The following SEMA6D variants were observed in gnomAD, a reference collection of about 807,000 sequenced individuals.
SEMA6D encodes semaphorin 6D.
A neutral mutation model predicts 106.6 loss-of-function variants in SEMA6D; 35 were observed. The observed-to-expected ratio is 0.33, with a 90% CI of 0.25 to 0.44. SEMA6D has a LOEUF of 0.44. Among genes scored for constraint, SEMA6D ranks in the 20% least tolerant of loss-of-function variants. SEMA6D has a pLI of 1.00. For missense variants in SEMA6D, 1,185 were observed against 1,345.9 expected (o/e 0.88, Z 1.87); for synonymous variants, 499 against 487.7 (o/e 1.02, Z -0.31).
At chr15:47,295,080 G>A (rs1328518021) in intron 1 of SEMA6D, among the ~76,000 whole-genome samples, 3 of 152,164 alleles carry the variant, frequency 2.0e-5, no homozygotes, top group Admixed American at 6.5e-5. Context: ...GCAAGAGGGG[G>A]CATCAGGTTT....
chr15:47,741,612 G>A (rs1358581957), intron 1 of SEMA6D, among the ~76,000 whole-genome samples: 1 of 152,164 alleles, frequency 6.6e-6, no homozygotes, highest in South Asian at 2.1e-4. Context: ...GCTACTCAAG[G>A]CTGAGGCAGG....
intron 1 of SEMA6D, among the ~76,000 whole-genome samples, chr15:47,742,879 C>T (rs1474477702): frequency 6.6e-6 from 1 of 152,186 alleles, no homozygotes; most frequent in African/African-American, 2.4e-5. Flanking sequence ...TGTCAAAGAG[C>T]TGCAGGTCTC....
intron 4 of SEMA6D, among the ~76,000 whole-genome samples, chr15:47,615,199 A>G (rs1400250301): frequency 1.3e-5 from 2 of 152,272 alleles, no homozygotes; most frequent in African/African-American, 4.8e-5. Flanking sequence ...ACAATAATAA[A>G]AAATGCAAAT....
At chr15:47,204,399 G>T (rs1299789489) in intron 1 of SEMA6D, among the ~76,000 whole-genome samples, 1 of 152,080 alleles carries the variant, frequency 6.6e-6, no homozygotes, top group African/African-American at 2.4e-5. Flanking sequence ...AAAATCTGTG[G>T]CCAGAGGTTA....
intron 1 of SEMA6D, among the ~76,000 whole-genome samples, chr15:47,719,559 G>A (rs1238270827): frequency 6.6e-6 from 1 of 152,266 alleles, no homozygotes; most frequent in East Asian, 1.9e-4. Context: ...CCATTAAGTG[G>A]ATTATTTTGT....
rs56185341 is a variant in SEMA6D at position 47,304,433 on chromosome 15, T to TAAAAAAAAAAAAA, written c.-238-107936_-238-107924dup. Among the ~76,000 whole-genome samples the TAAAAAAAAAAAAA allele has an allele frequency of 1.6e-4, 15 of 93,836 alleles. 1 individual carries two copies. Among genetic ancestry groups the TAAAAAAAAAAAAA allele is most frequent in the African/African-American group, 6.7e-4 (11 of 16,336 alleles). The allele number at this position is 93,836 out of a possible 152,430, so 61.6% of individuals were successfully genotyped here. A position where few individuals can be genotyped will look rare whatever the true frequency, so the allele number is the denominator to read the frequency against. ...TGCACTCCAGCCTGAGCCTTCTAAC[T>TAAAAAAAAAAAAA]AAAAAAAAAAAAAAAAAAAAAAAAA... On this transcript the variant is annotated intron_variant, in intron 1 of 19. Coordinates refer to the SEMA6D transcript ENST00000558014.
intron 1 of SEMA6D, among the ~76,000 whole-genome samples, chr15:47,331,657 G>A (rs1295563933): frequency 6.6e-6 from 1 of 152,128 alleles, no homozygotes; most frequent in African/African-American, 2.4e-5. Flanking sequence ...TCTTTGGATG[G>A]TGTAATTACA....
chr15:47,701,078 G>C lies in SEMA6D; in HGVS notation c.-54-58667G>C, dbSNP rs139241230. Reference sequence around the variant, plus strand: ...AGCACCAAAGGCACAGTCTATGAAAGAAGGAAGTGGTAAGCTGGAATTCAT... The same window carrying C: ...AGCACCAAAGGCACAGTCTATGAAACAAGGAAGTGGTAAGCTGGAATTCAT... On this transcript the variant is annotated intron_variant, in intron 4 of 19. Coordinates refer to the SEMA6D transcript ENST00000558014. Among the ~76,000 whole-genome samples the C allele has an allele frequency of 2.6e-3, 396 of 152,310 alleles. 4 individuals are homozygous for C. Among genetic ancestry groups the C allele is most frequent in the African/African-American group, 9.3e-3 (386 of 41,578 alleles).
intron 4 of SEMA6D, among the ~76,000 whole-genome samples, chr15:47,625,660 A>C (rs1425580819): frequency 6.6e-6 from 1 of 151,960 alleles, no homozygotes; most frequent in Non-Finnish European, 1.5e-5. Flanking sequence ...GCTATACCCC[A>C]GCCTGGGTGA....
chr15:47,722,464 T>A (rs2079478906), intron 1 of SEMA6D, among the ~76,000 whole-genome samples: 1 of 152,218 alleles, frequency 6.6e-6, no homozygotes, highest in Non-Finnish European at 1.5e-5. Flanking sequence ...TCGCTTTTTT[T>A]TTGTTTTGTT....
chr15:47,380,507 C>CCACATCAATGCAATTT (rs1162431020), intron 1 of SEMA6D: 1 of 152,194 alleles, frequency 6.6e-6, no homozygotes, highest in Non-Finnish European at 1.5e-5. Context: ...TCAGAAGAAT[C>CCACATCAATGCAATTT]CACATCAATG....
intron 1 of SEMA6D, among the ~76,000 whole-genome samples, chr15:47,215,549 TATTA>T (rs1013857685): frequency 3.1e-4 from 47 of 152,300 alleles, no homozygotes; most frequent in African/African-American, 9.1e-4. Flanking sequence ...TTCATAGATG[TATTA>T]ATTCTGTTAA....
chr15:47,486,965 C>A (rs1381741945), intron 3 of SEMA6D, among the ~76,000 whole-genome samples: 1 of 152,170 alleles, frequency 6.6e-6, no homozygotes, highest in African/African-American at 2.4e-5. Context: ...ATTTCTTGGG[C>A]AACTACTGTG....
chr15:47,599,758 A>G (rs1343869927), intron 3 of SEMA6D, among the ~76,000 whole-genome samples: 1 of 152,100 alleles, frequency 6.6e-6, no homozygotes, highest in Non-Finnish European at 1.5e-5. Context: ...ACTAATGCAT[A>G]CAAAGCTCTG....
chr15:47,489,394 A>G (rs894703983), intron 3 of SEMA6D, among the ~76,000 whole-genome samples: 15 of 152,062 alleles, frequency 9.9e-5, no homozygotes, highest in African/African-American at 2.9e-4. Flanking sequence ...ACTAATAGAC[A>G]TTTTTTCCTT....
chr15:47,465,373 G>C lies in SEMA6D; in HGVS notation c.-158-5101G>C, dbSNP rs112099792. ...AGAAGAAGTGGGCAAATAGTTGTCC[G>C]CATCCCAGTTAAAATTCTTATTGCC... On this transcript the variant is annotated intron_variant, in intron 2 of 19. Coordinates refer to the SEMA6D transcript ENST00000558014. Among the ~76,000 whole-genome samples, 1,108 of 152,236 alleles carry C rather than the reference G, an allele frequency of 7.3e-3. 20 individuals are homozygous for C. The highest frequency in any genetic ancestry group is 0.025 in the African/African-American group (1,047 of 41,538).
At chr15:47,304,339 A>G (rs2036142058) in intron 1 of SEMA6D, among the ~76,000 whole-genome samples, 3 of 149,490 alleles carry the variant, frequency 2.0e-5, no homozygotes, top group Non-Finnish European at 4.4e-5. Flanking sequence ...CAAGCTACTC[A>G]GGAGTCTGAG....
chr15:47,646,646 T>A (rs1471458480), intron 4 of SEMA6D, among the ~76,000 whole-genome samples: 4 of 152,180 alleles, frequency 2.6e-5, no homozygotes, highest in Non-Finnish European at 5.9e-5. Flanking sequence ...GGAGCCATAT[T>A]CATACTTGAG....
intron 1 of SEMA6D, among the ~76,000 whole-genome samples, chr15:47,757,064 C>T (rs1296333803): frequency 6.6e-6 from 1 of 152,090 alleles, no homozygotes; most frequent in Non-Finnish European, 1.5e-5. Flanking sequence ...GCTCAGCCAG[C>T]AGCTTGGTGC....
Sources: gnomAD v4.1 joint callset for allele counts (sites outside exome capture counted in the v4.1 genomes callset) on GRCh38, gnomAD v4.1.1 for gene constraint, MANE v1.5 for transcripts, NCBI Gene and HGNC (gene_info 2026-07-23, HGNC 2026-07-21) for gene names.